The following FBLIM1 variants were observed in gnomAD, a reference collection of about 807,000 sequenced individuals.
The protein encoded by FBLIM1 is filamin binding LIM protein 1.
Under a neutral mutation model 37.4 loss-of-function variants are expected in FBLIM1, and 29 were observed. That is an observed-to-expected ratio of 0.77 (90% CI 0.58 to 1.06). The LOEUF (loss-of-function observed/expected upper bound fraction) is 1.06, where lower values mean the gene tolerates loss of function less well. Ranked by LOEUF, FBLIM1 falls within the 50% of genes least tolerant of loss-of-function variation. The pLI, the probability that FBLIM1 is intolerant of heterozygous loss-of-function variation, is 0.00. For synonymous variants in FBLIM1, 193 were observed against 199.0 expected, an observed-to-expected ratio of 0.97 and a Z score of 0.25; for missense variants, 449 against 505.6, an observed-to-expected ratio of 0.89 and a Z score of 1.07.
intron 1 of FBLIM1, among the ~76,000 whole-genome samples, chr1:15,763,663 A>G (rs1009725814): frequency 6.6e-6 from 1 of 151,500 alleles, no homozygotes; most frequent in Non-Finnish European, 1.5e-5. Context: ...AAAAAAAGAC[A>G]GAGTCTCGCT....
At chr1:15,777,979 G>A (rs994394126) in intron 8 of FBLIM1, among the ~76,000 whole-genome samples, 2 of 152,128 alleles carry the variant, frequency 1.3e-5, no homozygotes, top group Admixed American at 6.6e-5. Flanking sequence ...GGGCATAGGT[G>A]GCCCAGGTTT....
At chr1:15,772,249 A>G (rs987145250) in intron 6 of FBLIM1, among the ~76,000 whole-genome samples, 2 of 152,168 alleles carry the variant, frequency 1.3e-5, no homozygotes, top group African/African-American at 4.8e-5. Flanking sequence ...AATCCAAACA[A>G]TCCAATCCCA....
intron 1 of FBLIM1, among the ~76,000 whole-genome samples, chr1:15,759,333 G>A (rs1239761832): frequency 6.6e-6 from 1 of 152,172 alleles, no homozygotes; most frequent in Non-Finnish European, 1.5e-5. Context: ...GACGGGTCCC[G>A]GGGCTGCTCC....
At position 15,767,152 on chromosome 1, in the gene FBLIM1, CA is replaced by C. The variant is rs1033862762; in HGVS notation, c.251-221del. Among the ~76,000 whole-genome samples, 14 of 151,996 alleles carry C rather than the reference CA, an allele frequency of 9.2e-5. 1 individual carries two copies. The highest frequency in any genetic ancestry group is 3.4e-4 in the African/African-American group (14 of 41,368). On this transcript the variant is annotated intron_variant, in intron 3 of 8. Coordinates refer to ENST00000375766, the MANE Select transcript of FBLIM1 (RefSeq NM_017556.4). Reference sequence around the variant, plus strand: ...AAGCGAACTGCCTACCTCGGCCTCCCAAAGTGCTGAGATTATAGGCATGAGC... The same window carrying C: ...AAGCGAACTGCCTACCTCGGCCTCCCAAGTGCTGAGATTATAGGCATGAGC...
At chr1:15,761,817 C>T (rs375126022) in intron 1 of FBLIM1, among the ~76,000 whole-genome samples, 3 of 152,286 alleles carry the variant, frequency 2.0e-5, no homozygotes, top group African/African-American at 4.8e-5. Flanking sequence ...CCATCAGTCG[C>T]TGTGAACCCA....
At chr1:15,777,022 A>G (rs1032602098) in intron 7 of FBLIM1, 148 bp from the exon 8 acceptor site, 19 of 658,476 alleles carry the variant, frequency 2.9e-5, no homozygotes, top group Non-Finnish European at 4.6e-5. Flanking sequence ...TGCTCCTGCC[A>G]AGAAGAAACA....
In FBLIM1 at chr1:15,784,594, AC is replaced by A. The variant is rs1257564074; in HGVS notation, c.1060del (p.Leu354Ter). ...LSVEPTDQGC[Y>X]PLNNHLFCKP... is the part of the protein sequence containing the mutation. ...GTCGAGCCCACGGACCAAGGCTGCT[AC>A]CCCCTGAACAACCATCTCTTCTGCA... On this transcript the variant is annotated frameshift_variant, in exon 9 of 9. Coordinates refer to ENST00000375766, the MANE Select transcript of FBLIM1 (RefSeq NM_017556.4). LOFTEE classifies it high-confidence loss of function. 4 of 1,613,964 alleles carry A rather than the reference AC, an allele frequency of 2.5e-6. No individual in the cohort carries two copies. Among genetic ancestry groups the A allele is most frequent in the African/African-American group, 1.3e-5 (1 of 74,924 alleles).
At chr1:15,764,885 AG>A (rs1044130142) in intron 2 of FBLIM1, 78 bp from the exon 3 acceptor site, 3 of 1,477,224 alleles carry the variant, frequency 2.0e-6, no homozygotes, top group African/African-American at 2.9e-5. Flanking sequence ...TTTTGGGAGG[AG>A]GGAGGCTCTC....
intron 1 of FBLIM1, among the ~76,000 whole-genome samples, chr1:15,762,732 C>T (rs1237137864): frequency 2.0e-5 from 3 of 152,184 alleles, no homozygotes; most frequent in Admixed American, 6.5e-5. Context: ...TCTAGGCACA[C>T]AAAGAATGCA....
At chr1:15,783,569 C>CTTTTT (rs58141962) in intron 8 of FBLIM1, among the ~76,000 whole-genome samples, 273 of 81,248 alleles carry the variant, frequency 3.4e-3, no homozygotes, top group Non-Finnish European at 4.3e-3. Flanking sequence ...AACTTACGTT[C>CTTTTT]TTTTTTTTTT....
chr1:15,767,360 T>C lies in FBLIM1; in HGVS notation c.251-16T>C, dbSNP rs1421997309. ...CTGGGAGGCTCTGACCAGCCCTCTC[T>C]CCTCCCCCATTGCAGGATGCCCACC... On this transcript the variant is annotated splice_polypyrimidine_tract_variant and intron_variant, in intron 3 of 8. Transcript: ENST00000375766. 1 of 1,554,636 alleles carries C rather than the reference T, an allele frequency of 6.4e-7. No homozygotes were observed. Among genetic ancestry groups the C allele is most frequent in the African/African-American group, 1.4e-5 (1 of 70,850 alleles).
At chr1:15,758,443 G>A (rs2068498799), upstream of FBLIM1, 2 of 152,186 alleles carry the variant, frequency 1.3e-5, no homozygotes, top group Admixed American at 1.3e-4. This position sits in a 1 kb window ranked among gnomAD's most constrained non-coding sequence, Gnocchi z 6.2. Flanking sequence ...GGGATGGGCA[G>A]CGGGGAGGGA....
chr1:15,760,875 TACAC>T (rs2068642694), intron 1 of FBLIM1, among the ~76,000 whole-genome samples: 1 of 152,028 alleles, frequency 6.6e-6, no homozygotes, highest in Non-Finnish European at 1.5e-5. Context: ...CCAGGGAACT[TACAC>T]ACAGCCTGCT....
At chr1:15,767,260 C>T (rs571280318) in intron 3 of FBLIM1, 116 bp from the exon 4 acceptor site, 134 of 869,676 alleles carry the variant, frequency 1.5e-4, no homozygotes, top group Admixed American at 1.1e-3. Flanking sequence ...GAACCCAGGC[C>T]GGGGTGATCC....
chr1:15,760,531 G>GAAAA (rs34356141), intron 1 of FBLIM1, among the ~76,000 whole-genome samples: 97 of 97,540 alleles, frequency 9.9e-4, no homozygotes, highest in Non-Finnish European at 1.3e-3. Flanking sequence ...TTCTGTCTCA[G>GAAAA]AAAAAAAAAA....
intron 8 of FBLIM1, among the ~76,000 whole-genome samples, chr1:15,782,408 A>T (rs2069666636): frequency 8.0e-6 from 1 of 124,732 alleles, no homozygotes; most frequent in Non-Finnish European, 1.6e-5. Flanking sequence ...ACTCTATCTT[A>T]AAAAAAAAAA....
intron 8 of FBLIM1, 22 bp from the exon 9 acceptor site, chr1:15,784,526 G>A (rs1185834899): frequency 1.9e-6 from 3 of 1,605,548 alleles, no homozygotes; most frequent in Non-Finnish European, 2.6e-6. Context: ...GGGCGGGTCA[G>A]CATGTGTCTT....
In FBLIM1 at chr1:15,771,968, C is replaced by T. The variant is rs538085963; in HGVS notation, c.711+1390C>T. Among the ~76,000 whole-genome samples, 8 of 152,096 alleles carry T rather than the reference C, an allele frequency of 5.3e-5. No homozygotes were observed. The South Asian group carries it at 1.5e-3, about 28-fold the overall frequency. On this transcript the variant is annotated intron_variant, in intron 6 of 8. Coordinates refer to ENST00000375766, the MANE Select transcript of FBLIM1 (RefSeq NM_017556.4). Reference sequence around the variant, plus strand: ...ATCTCACGGGAATCTGTGTTGCTTCCGGGTACCAAGTGCAATCTGGGAGAG... The same window carrying T: ...ATCTCACGGGAATCTGTGTTGCTTCTGGGTACCAAGTGCAATCTGGGAGAG...
chr1:15,764,930 G>A, intron 2 of FBLIM1, 34 bp from the exon 3 acceptor site: 1 of 1,552,288 alleles, frequency 6.4e-7, no homozygotes, highest in Admixed American at 1.9e-5. Context: ...GTGTCTGGGT[G>A]GCAATCCTGT....
Sources: allele counts gnomAD v4.1 joint callset (sites outside exome capture counted in the v4.1 genomes callset), GRCh38; gene constraint gnomAD v4.1.1; non-coding constraint Gnocchi (gnomAD v3.1); transcripts MANE v1.5; gene names NCBI Gene and HGNC (gene_info 2026-07-23, HGNC 2026-07-21).